MCPH1: variants seen among roughly 807,000 people sequenced by gnomAD.
MCPH1 encodes microcephalin 1, also known as microcephalin.
A neutral mutation model predicts 84.5 loss-of-function variants in MCPH1; 104 were observed. That is an observed-to-expected ratio of 1.23 (90% CI 1.05 to 1.45). The LOEUF (loss-of-function observed/expected upper bound fraction) is 1.45. Among genes scored for constraint, MCPH1 ranks in the 40% most tolerant of loss-of-function variants. The probability of loss-of-function intolerance (pLI) is 0.00; values close to 1 mark genes in which losing one functional copy is unlikely to be tolerated. For synonymous variants in MCPH1, 514 were observed against 366.8 expected (o/e 1.40, Z -4.58); for missense variants, 1,498 against 1,005.7 (o/e 1.49, Z -6.62).
intron 3 of MCPH1, among the ~76,000 whole-genome samples, chr8:6,423,989 G>A (rs968748757): frequency 3.9e-5 from 6 of 152,112 alleles, no homozygotes; most frequent in African/African-American, 1.2e-4. Flanking sequence ...CATTTTTTAT[G>A]TCACGTCTGT....
chr8:6,503,181 C>T, intron 12 of MCPH1: 1 of 1,614,148 alleles, frequency 6.2e-7, no homozygotes, highest in Non-Finnish European at 8.5e-7. Context: ...CATTTAATGC[C>T]GTTGAACTTA....
At chr8:6,423,248 G>A (rs1800525981) in intron 3 of MCPH1, among the ~76,000 whole-genome samples, 1 of 139,068 alleles carries the variant, frequency 7.2e-6, no homozygotes, top group Non-Finnish European at 1.5e-5. Flanking sequence ...GGAGTGCAGT[G>A]GTGCAATCTT....
At chr8:6,568,208 C>T (rs1294393923) in intron 12 of MCPH1, among the ~76,000 whole-genome samples, 2 of 151,124 alleles carry the variant, frequency 1.3e-5, no homozygotes, top group African/African-American at 4.9e-5. Context: ...CAAAGGGCCT[C>T]CTGAGGACCG....
At position 6,575,858 on chromosome 8, in the gene MCPH1, G is replaced by T. The variant is rs1827036673; in HGVS notation, c.2215-45596G>T. Among the ~76,000 whole-genome samples the T allele has an allele frequency of 2.0e-5, 3 of 152,174 alleles. No individual in the cohort carries two copies. The South Asian group carries it at 6.2e-4, about 31-fold the overall frequency. ...AAACAGGGAACACCAAAGATGAGCA[G>T]CCACTGCCAGCAGTTAGCAGAGAGG... On this transcript the variant is annotated intron_variant, in intron 12 of 13. Transcript: ENST00000344683.
Position 6,526,064 on chromosome 8 carries a change from C to T in MCPH1, c.2214+26135C>T, listed in dbSNP as rs187983198. On this transcript the variant is annotated intron_variant, in intron 12 of 13. Transcript: ENST00000344683. ...CAGGCAAGAGAAAAGTAATCTCCAG[C>T]TCCCATGTGTTCCAGGAATCACTGC... Among the ~76,000 whole-genome samples the T allele has an allele frequency of 3.2e-3, 488 of 152,144 alleles. 4 individuals carry two copies. Among genetic ancestry groups the T allele is most frequent in the African/African-American group, 0.012 (478 of 41,496 alleles).
At chr8:6,486,705 T>C (rs765583211) in intron 11 of MCPH1, among the ~76,000 whole-genome samples, 21 of 152,232 alleles carry the variant, frequency 1.4e-4, no homozygotes, top group Non-Finnish European at 1.6e-4. Context: ...CTGAATTGTC[T>C]GGCAGATACA....
At chr8:6,484,112 A>G (rs1483565927) in intron 11 of MCPH1, among the ~76,000 whole-genome samples, 1 of 152,348 alleles carries the variant, frequency 6.6e-6, no homozygotes, top group East Asian at 1.9e-4. Context: ...TACTCTGTGA[A>G]AGATATTATG....
At chr8:6,549,137 TAGC>T (rs989862443) in intron 12 of MCPH1, among the ~76,000 whole-genome samples, 1 of 152,204 alleles carries the variant, frequency 6.6e-6, no homozygotes, top group Non-Finnish European at 1.5e-5. Context: ...ATTTCAGAGA[TAGC>T]AGTACAAGAA....
At chr8:6,565,868 T>C (rs1236108238) in intron 12 of MCPH1, among the ~76,000 whole-genome samples, 1 of 152,232 alleles carries the variant, frequency 6.6e-6, no homozygotes, top group Non-Finnish European at 1.5e-5. Context: ...GACTCCATCC[T>C]TTTCAAATTC....
intron 12 of MCPH1, among the ~76,000 whole-genome samples, chr8:6,510,789 G>T (rs1814900319): frequency 6.6e-6 from 1 of 152,222 alleles, no homozygotes; most frequent in Non-Finnish European, 1.5e-5. Flanking sequence ...GTGATGTGGA[G>T]TTCTGTAAGT....
At chr8:6,507,267 C>T (rs982257893) in intron 12 of MCPH1, among the ~76,000 whole-genome samples, 6 of 152,288 alleles carry the variant, frequency 3.9e-5, no homozygotes, top group South Asian at 2.1e-4. Flanking sequence ...TAGTAACTTT[C>T]ATTTATAAAA....
chr8:6,421,349 A>G (rs907242420), intron 3 of MCPH1, among the ~76,000 whole-genome samples: 4 of 152,144 alleles, frequency 2.6e-5, no homozygotes, highest in Non-Finnish European at 5.9e-5. Context: ...AGTGGGTGGT[A>G]GAGGCCTCTC....
chr8:6,453,760 G>A (rs1195711518), intron 8 of MCPH1, among the ~76,000 whole-genome samples: 2 of 152,098 alleles, frequency 1.3e-5, no homozygotes, highest in Middle Eastern at 3.2e-3. Flanking sequence ...TTCTACCCCG[G>A]GGGATAAAGT....
chr8:6,636,251 A>T (rs779205249), intron 13 of MCPH1, among the ~76,000 whole-genome samples: 3 of 151,876 alleles, frequency 2.0e-5, no homozygotes, highest in Non-Finnish European at 4.4e-5. Context: ...GAGGCAGGGG[A>T]ATCGCTTGAG....
At chr8:6,431,643 T>C (rs1801858167) in intron 4 of MCPH1, 57 bp downstream of exon 4, 2 of 1,200,690 alleles carry the variant, frequency 1.7e-6, no homozygotes, top group Non-Finnish European at 2.4e-6. Context: ...CGTTTTTATT[T>C]TTTATTTCTA....
intron 12 of MCPH1, among the ~76,000 whole-genome samples, chr8:6,547,958 G>C (rs953285247): frequency 6.6e-6 from 1 of 151,246 alleles, no homozygotes; most frequent in Non-Finnish European, 1.5e-5. Flanking sequence ...CTACGAGCCA[G>C]TTTAATTTTA....
At chr8:6,479,133 G>C (rs1402118964) in intron 10 of MCPH1, among the ~76,000 whole-genome samples, 1 of 152,124 alleles carries the variant, frequency 6.6e-6, no homozygotes, top group Non-Finnish European at 1.5e-5. Context: ...AGACTTGGTG[G>C]TGAATTGCCT....
intron 12 of MCPH1, among the ~76,000 whole-genome samples, chr8:6,576,682 ATTTTTT>A (rs58486084): frequency 4.7e-5 from 2 of 42,346 alleles, no homozygotes; most frequent in African/African-American, 1.3e-4. Flanking sequence ...TAATTTTTGT[ATTTTTT>A]TTTTTTTTTT....
intron 13 of MCPH1, among the ~76,000 whole-genome samples, chr8:6,623,688 C>CAAAAAAAAAAAAAA (rs377522481): frequency 1.6e-4 from 15 of 92,424 alleles, no homozygotes; most frequent in African/African-American, 6.0e-4. Context: ...AACCAACTTC[C>CAAAAAAAAAAAAAA]AAAAAAAAAA....
Sources: gnomAD v4.1 joint callset for allele counts (sites outside exome capture counted in the v4.1 genomes callset) on GRCh38, gnomAD v4.1.1 for gene constraint, MANE v1.5 for transcripts, NCBI Gene and HGNC (gene_info 2026-07-23, HGNC 2026-07-21) for gene names.